IFT88: variants seen among roughly 807,000 people sequenced by gnomAD.
IFT88 encodes intraflagellar transport protein 88 homolog.
IFT88 carries 74 observed loss-of-function variants against 119.5 expected under a neutral mutation model. The ratio of observed to expected loss-of-function variants is 0.62; its 90% CI spans 0.51 to 0.75. IFT88 has a LOEUF of 0.75. Among genes scored for constraint, IFT88 ranks in the 30% least tolerant of loss-of-function variants. IFT88 has a pLI of 0.00. For synonymous variants in IFT88, 279 were observed against 316.7 expected (o/e 0.88, Z 1.26); for missense variants, 961 against 977.7 (o/e 0.98, Z 0.23).
At chr13:20,570,092 A>C (rs1171201126) in intron 1 of IFT88, among the ~76,000 whole-genome samples, 8 of 152,144 alleles carry the variant, frequency 5.3e-5, no homozygotes, top group Non-Finnish European at 1.2e-4. Flanking sequence ...CCAAAGAGAT[A>C]TAGAAATGGA....
At chr13:20,674,532 T>A (rs1428502984) in intron 24 of IFT88, among the ~76,000 whole-genome samples, 1 of 152,040 alleles carries the variant, frequency 6.6e-6, no homozygotes, top group Non-Finnish European at 1.5e-5. Flanking sequence ...CATTTTTTAG[T>A]TTGATTTTTA....
intron 1 of IFT88, among the ~76,000 whole-genome samples, chr13:20,569,938 G>T (rs959253556): frequency 3.3e-5 from 5 of 151,778 alleles, no homozygotes; most frequent in Non-Finnish European, 7.4e-5. Flanking sequence ...CCAGCTACTC[G>T]AGAGGCTGAG....
chr13:20,625,654 C>T (rs2047175371), intron 14 of IFT88, 96 bp from the exon 15 acceptor site: 1 of 769,282 alleles, frequency 1.3e-6, no homozygotes, highest in African/African-American at 1.8e-5. Context: ...ACTAGGGACC[C>T]TTTAAAAAAT....
chr13:20,592,036 T>C (rs1401775174), intron 6 of IFT88, among the ~76,000 whole-genome samples: 1 of 152,052 alleles, frequency 6.6e-6, no homozygotes, highest in African/African-American at 2.4e-5. Flanking sequence ...TAATTTAGAG[T>C]TGATAATAGA....
intron 24 of IFT88, among the ~76,000 whole-genome samples, chr13:20,682,321 A>G (rs1488241886): frequency 2.0e-5 from 3 of 152,230 alleles, no homozygotes; most frequent in East Asian, 3.8e-4. Context: ...TGTTGGATCT[A>G]TTCTATTTAT....
In IFT88 at chr13:20,629,969, G is replaced by A. The variant is rs185334674; in HGVS notation, c.1300-1047G>A. On this transcript the variant is annotated intron_variant, in intron 15 of 25. Transcript: ENST00000351808. ...CACCTTTCATGTAAAGTGTCTGACCGTTCCACACATCTTACTTGGTTAGGA... is the reference window on the plus strand; with the variant it reads ...CACCTTTCATGTAAAGTGTCTGACCATTCCACACATCTTACTTGGTTAGGA... 3.9e-5 allele frequency among the ~76,000 whole-genome samples: 6 copies of A among 152,202 alleles called. No individual in the cohort carries two copies. The East Asian group carries it at 9.6e-4, about 24-fold the overall frequency.
chr13:20,681,288 CCAAA>C (rs900533462), intron 24 of IFT88, among the ~76,000 whole-genome samples: 10 of 151,994 alleles, frequency 6.6e-5, no homozygotes, highest in African/African-American at 1.4e-4. Flanking sequence ...GACAGGTAGC[CCAAA>C]CAAAGTGAGA....
chr13:20,626,040 TTTC>T (rs1295894946), intron 15 of IFT88, among the ~76,000 whole-genome samples, 191 bp downstream of exon 15: 5 of 83,782 alleles, frequency 6.0e-5, no homozygotes, highest in Non-Finnish European at 9.8e-5. Context: ...CTGTTTGTCG[TTTC>T]TTTTTTTTTT....
chr13:20,639,528 A>G (rs1330585639), intron 17 of IFT88, among the ~76,000 whole-genome samples: 1 of 152,186 alleles, frequency 6.6e-6, no homozygotes, highest in East Asian at 1.9e-4. Context: ...TTTTAGGTGG[A>G]GTCTGGGAGA....
intron 16 of IFT88, among the ~76,000 whole-genome samples, chr13:20,634,814 T>A (rs1358789189): frequency 6.9e-6 from 1 of 145,304 alleles, no homozygotes; most frequent in Non-Finnish European, 1.5e-5. Flanking sequence ...TTTTTTTTTT[T>A]ATACTTTAAG....
intron 20 of IFT88, among the ~76,000 whole-genome samples, chr13:20,647,190 G>A (rs180892961): frequency 7.4e-4 from 112 of 152,208 alleles, no homozygotes; most frequent in Admixed American, 3.2e-3. Context: ...TGCACCTGCT[G>A]TTATCTCCTT....
chr13:20,603,774 G>A (rs1450587004), intron 12 of IFT88, among the ~76,000 whole-genome samples: 1 of 152,142 alleles, frequency 6.6e-6, no homozygotes, highest in Non-Finnish European at 1.5e-5. Flanking sequence ...TTGCACACCT[G>A]TAGTCCCAGC....
chr13:20,605,007 C>A (rs1455584062), intron 12 of IFT88, 28 bp from the exon 13 acceptor site: 2 of 1,127,782 alleles, frequency 1.8e-6, no homozygotes, highest in Admixed American at 2.0e-5. Context: ...CTGAATTATT[C>A]TTTTTTTCTT....
chr13:20,663,190 T>C, intron 22 of IFT88: 2 of 1,259,570 alleles, frequency 1.6e-6, no homozygotes, highest in African/African-American at 1.5e-5. Flanking sequence ...GAAACTGCTA[T>C]AGAACATTAA....
chr13:20,663,216 C>T, intron 22 of IFT88: 7 of 1,358,470 alleles, frequency 5.2e-6, no homozygotes, highest in Non-Finnish European at 6.7e-6. Flanking sequence ...GTTACATTTG[C>T]CTTCTAAGTT....
rs916160586 is a variant in IFT88, at chr13:20,596,324, A to G, written c.489+84A>G. On this transcript the variant is annotated intron_variant, in intron 8 of 25. Transcript: ENST00000351808. ...ATACATACACCGTATGTATAGACAAATATTTTTGTTTGCCGTTGACTGGTC... is the reference window on the plus strand; with the variant it reads ...ATACATACACCGTATGTATAGACAAGTATTTTTGTTTGCCGTTGACTGGTC... The G allele has an allele frequency of 6.8e-4, 337 of 492,924 alleles. 1 individual carries two copies. The highest frequency in any genetic ancestry group is 2.1e-3 in the Admixed American group (62 of 29,764). The allele number at this position is 492,924 out of a possible 1,614,324, so 30.5% of individuals were successfully genotyped here. A position where few individuals can be genotyped will look rare whatever the true frequency, so the allele number is the denominator to read the frequency against.
In IFT88 at chr13:20,663,538, A is replaced by G; in HGVS notation, c.2109A>G (p.Leu703=). ...TTCGTCTCTGCACAGATCTTGGATT[A>G]AAAGATGCTCAAGAATATGCCAGAA... is the stretch of plus-strand genomic sequence containing the variant. ...FLVRLCTDLG[L]KDAQEYARKL... is the part of the protein sequence containing the mutation. The change falls in exon 23 of 26, where the codon TTA becomes TTG. Residue 703 remains leucine, a synonymous_variant. Coordinates refer to ENST00000351808, the MANE Select transcript of IFT88 (RefSeq NM_006531.5). 1.2e-6 allele frequency: 2 copies of G among 1,613,972 alleles called. No individual in the cohort carries two copies. Among genetic ancestry groups the G allele is most frequent in the South Asian group, 1.1e-5 (1 of 91,066 alleles).
chr13:20,659,511 A>G (rs2053441154), intron 22 of IFT88, among the ~76,000 whole-genome samples: 1 of 152,134 alleles, frequency 6.6e-6, no homozygotes, highest in South Asian at 2.1e-4. Flanking sequence ...TCCTAAGCCA[A>G]TCTTTATTTG....
intron 24 of IFT88, among the ~76,000 whole-genome samples, chr13:20,679,451 C>T (rs968547596): frequency 6.6e-6 from 1 of 152,160 alleles, no homozygotes; most frequent in African/African-American, 2.4e-5. Flanking sequence ...CAAAATCTAT[C>T]GAAGAATTTC....
Sources: allele counts gnomAD v4.1 joint callset (sites outside exome capture counted in the v4.1 genomes callset), GRCh38; gene constraint gnomAD v4.1.1; transcripts MANE v1.5; gene names NCBI Gene and HGNC (gene_info 2026-07-23, HGNC 2026-07-21).